LOC128462377: variants seen among roughly 807,000 people sequenced by gnomAD.
At chr16:89,355,697 A>T in the LOC128462377 span, among the ~76,000 whole-genome samples, 1 of 152,196 alleles carries the variant, frequency 6.6e-6, no homozygotes. Context: ...AAACCCAAAG[A>T]TGCTCACTTG....
At chr16:89,347,749 T>C in the LOC128462377 span, among the ~76,000 whole-genome samples, 1 of 152,086 alleles carries the variant, frequency 6.6e-6, no homozygotes, top group African/African-American at 2.4e-5. Flanking sequence ...TAAAAAAGAA[T>C]ACAAAGAGAT....
chr16:89,345,078 T>A, the LOC128462377 span, among the ~76,000 whole-genome samples: 1 of 151,810 alleles, frequency 6.6e-6, no homozygotes, highest in Non-Finnish European at 1.5e-5. Context: ...TCTCAACCAC[T>A]CCCTGCTTAA....
the LOC128462377 span, among the ~76,000 whole-genome samples, chr16:89,371,929 C>G: frequency 6.6e-6 from 1 of 152,290 alleles, no homozygotes; most frequent in South Asian, 2.1e-4. Flanking sequence ...TGGCCTGTTA[C>G]AGAACAGGAG....
chr16:89,414,130 C>G, the LOC128462377 span, among the ~76,000 whole-genome samples: 3 of 152,226 alleles, frequency 2.0e-5, no homozygotes, highest in African/African-American at 7.2e-5. Context: ...TCGCACCTGC[C>G]TTACAAGTTC....
the LOC128462377 span, among the ~76,000 whole-genome samples, chr16:89,336,065 A>G: frequency 6.6e-6 from 1 of 152,098 alleles, no homozygotes; most frequent in Non-Finnish European, 1.5e-5. Flanking sequence ...TATTCCTGCC[A>G]GTTGGTTTGA....
At chr16:89,343,611 C>T in the LOC128462377 span, 2 of 152,242 alleles carry the variant, frequency 1.3e-5, no homozygotes, top group African/African-American at 4.8e-5. Flanking sequence ...TTCAGAACCT[C>T]ACCCCAGTCA....
the LOC128462377 span, among the ~76,000 whole-genome samples, chr16:89,380,270 G>A: frequency 1.3e-5 from 2 of 152,080 alleles, no homozygotes; most frequent in African/African-American, 2.4e-5. Context: ...GTGCCACGAC[G>A]CCTGGCTAAT....
the LOC128462377 span, among the ~76,000 whole-genome samples, chr16:89,341,753 CTGCACAAACG>C: frequency 1.3e-5 from 2 of 152,266 alleles, no homozygotes; most frequent in African/African-American, 4.8e-5. Context: ...TTAACTCTCT[CTGCACAAACG>C]TGCACAAACA....
At chr16:89,392,027 C>G in the LOC128462377 span, among the ~76,000 whole-genome samples, 2 of 152,170 alleles carry the variant, frequency 1.3e-5, no homozygotes, top group South Asian at 4.1e-4. Context: ...TTCCTCCTTC[C>G]TTTGTTCTCC....
At chr16:89,346,105 C>T in the LOC128462377 span, among the ~76,000 whole-genome samples, 25 of 151,902 alleles carry the variant, frequency 1.6e-4, no homozygotes, top group East Asian at 4.6e-3. Flanking sequence ...AAAAATTAGC[C>T]GGGCGTGGTG....
chr16:89,375,603 G>C, the LOC128462377 span, among the ~76,000 whole-genome samples: 1 of 151,726 alleles, frequency 6.6e-6, no homozygotes, highest in African/African-American at 2.4e-5. Context: ...ACAGGCGCCC[G>C]CCACCACGCC....
chr16:89,391,485 C>G, the LOC128462377 span, among the ~76,000 whole-genome samples: 2 of 152,170 alleles, frequency 1.3e-5, no homozygotes, highest in Admixed American at 1.3e-4. Context: ...TGCTGCTGGG[C>G]AGAAAGCCCA....
the LOC128462377 span, among the ~76,000 whole-genome samples, chr16:89,384,879 C>CTTT: frequency 0.012 from 580 of 49,936 alleles, 91 homozygotes; most frequent in Non-Finnish European, 0.014. Flanking sequence ...AAATAGTTTT[C>CTTT]TTTTTTTTTT....
the LOC128462377 span, among the ~76,000 whole-genome samples, chr16:89,363,742 G>A: frequency 2.0e-5 from 3 of 152,172 alleles, no homozygotes; most frequent in Non-Finnish European, 4.4e-5. Flanking sequence ...AAGAACACGG[G>A]CCTGCAGGTT....
chr16:89,331,644 C>G, the LOC128462377 span, among the ~76,000 whole-genome samples: 1 of 151,974 alleles, frequency 6.6e-6, no homozygotes, highest in South Asian at 2.1e-4. Flanking sequence ...TATTTAGGTA[C>G]AGGGTCTCCT....
At chr16:89,398,737 G>T in the LOC128462377 span, among the ~76,000 whole-genome samples, 1 of 151,774 alleles carries the variant, frequency 6.6e-6, no homozygotes, top group South Asian at 2.1e-4. Context: ...GAGAGAGATT[G>T]TGTGTCCAAA....
chr16:89,397,138 C>T, the LOC128462377 span, among the ~76,000 whole-genome samples: 1 of 152,086 alleles, frequency 6.6e-6, no homozygotes, highest in South Asian at 2.1e-4. Context: ...CTGGCAAATG[C>T]CAGCAGACAT....
the LOC128462377 span, among the ~76,000 whole-genome samples, chr16:89,397,460 G>A: frequency 6.6e-6 from 1 of 152,250 alleles, no homozygotes; most frequent in Non-Finnish European, 1.5e-5. Flanking sequence ...CACACAGGGG[G>A]ACCCACAGGA....
At chr16:89,337,010 A>C in the LOC128462377 span, among the ~76,000 whole-genome samples, 1 of 73,436 alleles carries the variant, frequency 1.4e-5, no homozygotes, top group Non-Finnish European at 3.3e-5. Context: ...GCTCTACCAA[A>C]AAAAAAAAAA....
Sources: gnomAD v4.1 joint callset for allele counts (sites outside exome capture counted in the v4.1 genomes callset) on GRCh38, gnomAD v4.1.1 for gene constraint, MANE v1.5 for transcripts.